GAS7: variants seen among roughly 807,000 people sequenced by gnomAD.
GAS7 encodes growth arrest-specific protein 7.
In GAS7, 28 loss-of-function variants were observed where a neutral mutation model predicts 71.1. The ratio of observed to expected loss-of-function variants is 0.39; its 90% CI spans 0.29 to 0.54. The LOEUF is 0.54. Ranked by LOEUF, GAS7 falls within the 20% of genes least tolerant of loss-of-function variation. The pLI is 0.62. For synonymous variants in GAS7, 258 were observed against 245.8 expected (o/e 1.05, Z -0.46); for missense variants, 436 against 627.8 (o/e 0.69, Z 3.27).
intron 4 of GAS7, among the ~76,000 whole-genome samples, chr17:9,960,219 T>C (rs892693731): frequency 2.6e-5 from 4 of 151,304 alleles, no homozygotes; most frequent in Admixed American, 1.3e-4. Flanking sequence ...AGATGGAGTG[T>C]CATTCTGTCA....
intron 1 of GAS7, among the ~76,000 whole-genome samples, chr17:10,033,601 C>T (rs910201234): frequency 2.0e-5 from 3 of 152,190 alleles, no homozygotes; most frequent in Admixed American, 1.3e-4. Flanking sequence ...CAAGCACAAG[C>T]GACACAGCTG....
Position 9,919,818 on chromosome 17 carries a change from G to T in GAS7, c.1139-113C>A, listed in dbSNP as rs138247710. On this transcript the variant is annotated intron_variant, in intron 11 of 13. Transcript: ENST00000432992. This position sits in a 1 kb window ranked among gnomAD's most constrained non-coding sequence, Gnocchi z 5.0. ...TCCTCCCCCTGGGGTCATGGTGGCC[G>T]CTGGAAAGCTGGAAAAGGGATGGCA... The T allele has an allele frequency of 3.8e-6, 3 of 792,802 alleles. No homozygotes were observed. The East Asian group carries it at 7.3e-5, about 19-fold the overall frequency. The allele number at this position is 792,802 out of a possible 1,614,324, so 49.1% of individuals were successfully genotyped here.
chr17:10,057,750 A>G (rs2073166064), intron 1 of GAS7, among the ~76,000 whole-genome samples: 2 of 152,254 alleles, frequency 1.3e-5, no homozygotes, highest in African/African-American at 4.8e-5. Context: ...TGGAAGGTGT[A>G]CCCAGCAGCT....
At chr17:9,964,044 C>T (rs2069607376) in intron 4 of GAS7, among the ~76,000 whole-genome samples, 1 of 151,954 alleles carries the variant, frequency 6.6e-6, no homozygotes, top group Non-Finnish European at 1.5e-5. Context: ...TTATATATTC[C>T]CTCTACTTTT....
At chr17:10,059,154 A>G (rs2073188304) in intron 1 of GAS7, among the ~76,000 whole-genome samples, 1 of 152,170 alleles carries the variant, frequency 6.6e-6, no homozygotes, top group Non-Finnish European at 1.5e-5. Flanking sequence ...CAGCTGTGTG[A>G]CATCTGGCAG....
In GAS7 at chr17:10,113,131, CA is replaced by C. The variant is rs2073829859; in HGVS notation, c.183+85076del. Among the ~76,000 whole-genome samples, 6 of 152,044 alleles carry C rather than the reference CA, an allele frequency of 3.9e-5. No homozygotes were observed. The South Asian group carries it at 1.2e-3, about 32-fold the overall frequency. On this transcript the variant is annotated intron_variant, in intron 1 of 13. Transcript: ENST00000432992. ...GGGGAGCCATGGGAGAGAAATTCAA[CA>C]GAAAGTAAAGACAAACTTTTCCAAG... is the stretch of plus-strand genomic sequence containing the variant.
At chr17:9,965,420 C>CT (rs1441165267) in intron 4 of GAS7, among the ~76,000 whole-genome samples, 2 of 152,168 alleles carry the variant, frequency 1.3e-5, no homozygotes, top group African/African-American at 4.8e-5. Flanking sequence ...GAACAGAAAA[C>CT]TAAACACCGC....
chr17:10,005,318 C>CAT (rs147127115), intron 2 of GAS7, among the ~76,000 whole-genome samples: 4,177 of 150,240 alleles, frequency 0.028, 168 homozygotes, highest in African/African-American at 0.095. Flanking sequence ...TATACACACA[C>CAT]ATATATATAT....
chr17:10,093,840 C>T (rs1045665026), intron 1 of GAS7, among the ~76,000 whole-genome samples: 1 of 152,120 alleles, frequency 6.6e-6, no homozygotes, highest in Non-Finnish European at 1.5e-5. Flanking sequence ...TCTACTACTA[C>T]GTATTTCAAT....
At chr17:10,197,403 A>AT (rs1555542578) in intron 1 of GAS7, among the ~76,000 whole-genome samples, 1 of 151,720 alleles carries the variant, frequency 6.6e-6, no homozygotes, top group Non-Finnish European at 1.5e-5. Context: ...CTGGAAGGTC[A>AT]CCCCCCCACA....
chr17:10,177,856 A>G (rs773375839), intron 1 of GAS7, among the ~76,000 whole-genome samples: 3 of 152,160 alleles, frequency 2.0e-5, no homozygotes, highest in Non-Finnish European at 4.4e-5. Flanking sequence ...TTTCCCCAAG[A>G]CTAATAATAA....
Position 10,002,078 on chromosome 17 carries a change from G to A in GAS7, c.304+17699C>T, listed in dbSNP as rs1385210419. Among the ~76,000 whole-genome samples, 8 of 151,620 alleles carry A rather than the reference G, an allele frequency of 5.3e-5. No homozygotes were observed. The South Asian group carries it at 8.3e-4, about 16-fold the overall frequency. On this transcript the variant is annotated intron_variant, in intron 2 of 13. Transcript: ENST00000432992. ...TCAAAGATAACCACTAGTGTGGGGC[G>A]GGGGAAGTGTGTCAGTTTCCAGGGG...
intron 2 of GAS7, among the ~76,000 whole-genome samples, chr17:10,013,887 C>G (rs1366200683): frequency 6.6e-6 from 1 of 152,154 alleles, no homozygotes; most frequent in Non-Finnish European, 1.5e-5. Context: ...TGCAAGGCCC[C>G]GGGTGATCTT....
chr17:9,924,526 T>C (rs2067926630), intron 11 of GAS7: 1 of 102,324 alleles, frequency 9.8e-6, no homozygotes, highest in Non-Finnish European at 1.9e-5. Flanking sequence ...TCCCCTTCTG[T>C]GCCCCCCCTT....
intron 1 of GAS7, among the ~76,000 whole-genome samples, chr17:10,111,125 G>T (rs1406983832): frequency 6.6e-6 from 1 of 152,208 alleles, no homozygotes; most frequent in Non-Finnish European, 1.5e-5. Context: ...AGGGGGCCGG[G>T]TGTCTTGGCT....
At chr17:10,105,453 G>T (rs573852549) in intron 1 of GAS7, among the ~76,000 whole-genome samples, 1 of 152,318 alleles carries the variant, frequency 6.6e-6, no homozygotes, top group East Asian at 1.9e-4. Flanking sequence ...TACCATGTTA[G>T]ATGGTACAGG....
intron 2 of GAS7, among the ~76,000 whole-genome samples, chr17:9,982,861 G>GAAAGAAAGAAAGAAAGAAAGAAAGC (rs1555611388): frequency 6.9e-6 from 1 of 143,984 alleles, no homozygotes; most frequent in South Asian, 2.3e-4. Flanking sequence ...AAGAAAGAAA[G>GAAAGAAAGAAAGAAAGAAAGAAAGC]AAAGAAAGCA....
chr17:10,036,311 G>T, intron 1 of GAS7: 1 of 849,776 alleles, frequency 1.2e-6, no homozygotes, highest in Non-Finnish European at 2.0e-6. Context: ...CCACAGCTCA[G>T]CAGTTAGACC....
rs2067658950 is a variant in GAS7 at position 9,918,154 on chromosome 17, T to A, written c.1219-55A>T. On this transcript the variant is annotated intron_variant, in intron 12 of 13. Coordinates refer to ENST00000432992, the MANE Select transcript of GAS7 (RefSeq NM_201433.2). ...TGAGCACGTCCCCTCCACTTGGGGG[T>A]CCCCCCACCAAGACCACAAAACGCA... 6.2e-6 allele frequency: 8 copies of A among 1,293,584 alleles called. No homozygotes were observed. In the Admixed American group the frequency reaches 1.2e-4, roughly 20 times the overall value. The allele number at this position is 1,293,584 out of a possible 1,614,324, so 80.1% of individuals were successfully genotyped here.
Sources: gnomAD v4.1 joint callset for allele counts (sites outside exome capture counted in the v4.1 genomes callset) on GRCh38, gnomAD v4.1.1 for gene constraint, Gnocchi (gnomAD v3.1) non-coding constraint, MANE v1.5 for transcripts, NCBI Gene and HGNC (gene_info 2026-07-23, HGNC 2026-07-21) for gene names.